HEATR3: variants seen among roughly 807,000 people sequenced by gnomAD.
The protein encoded by HEATR3 is HEAT repeat-containing protein 3.
Under a neutral mutation model 72.8 loss-of-function variants are expected in HEATR3, and 56 were observed. That is an observed-to-expected ratio of 0.77 (90% CI 0.62 to 0.96). HEATR3 has a LOEUF of 0.96. Among genes scored for constraint, HEATR3 ranks in the 40% least tolerant of loss-of-function variants. The pLI is 0.00. For synonymous variants in HEATR3, 331 were observed against 318.1 expected, an observed-to-expected ratio of 1.04 and a Z score of -0.43; for missense variants, 747 against 831.4, an observed-to-expected ratio of 0.90 and a Z score of 1.25.
chr16:50,089,002 G>C (rs529828967), intron 11 of HEATR3, among the ~76,000 whole-genome samples: 14 of 152,298 alleles, frequency 9.2e-5, no homozygotes, highest in Non-Finnish European at 1.6e-4. Context: ...CTGTGTGCCT[G>C]TGCTATAGTG....
chr16:50,075,577 G>A lies in HEATR3; in HGVS notation c.629G>A (p.Cys210Tyr). 1 of 1,612,278 alleles carries A rather than the reference G, an allele frequency of 6.2e-7. No homozygotes were observed. The change falls in exon 6 of 15, where the codon TGT (cysteine) becomes TAT (tyrosine). Residue 210 changes from cysteine (C) to tyrosine (Y), a missense_variant. Physicochemically the swap from Cys to Tyr is radical, Grantham distance 194. Around this residue, in one of 2 missense-constraint regions of HEATR3, gnomAD observed 586 missense variants for 708.8 expected, o/e 0.83. Transcript: ENST00000299192. ...NVDLAISVAY[C>Y]LQTVTEDNPE... ...CTTATTTTTTGCCTCGTAGCATATT[G>A]TTTGCAGACAGTGACTGAGGATAAC...
rs762663337 is a variant in HEATR3, at chr16:50,066,166, C to T, written c.35C>T (p.Pro12Leu). ...AGCCGGACGAAGCGCTTCAAGCGAC[C>T]TCAGTTCTCCCCTACGGGCGACTGT... Reference protein sequence around the residue: ...GKSRTKRFKRPQFSPTGDCQA... With the variant: ...GKSRTKRFKRLQFSPTGDCQA... Residue 12 changes from proline to leucine, a missense_variant, in exon 1 of 15, where the codon CCT (proline) becomes CTT (leucine). By Grantham distance (98) the Pro-to-Leu change is moderately conservative (BLOSUM62 -3). This residue lies in a region of HEATR3 where 161 missense variants were observed against 122.6 expected (regional missense o/e 1.31). Transcript: ENST00000299192. 1.4e-5 allele frequency: 23 copies of T among 1,597,100 alleles called. No homozygotes were observed. The highest frequency in any genetic ancestry group is 2.7e-5 in the African/African-American group (2 of 74,304).
intron 12 of HEATR3, 120 bp downstream of exon 12, chr16:50,094,913 T>C (rs968356027): frequency 1.1e-5 from 6 of 539,178 alleles, no homozygotes; most frequent in Admixed American, 6.4e-5. Flanking sequence ...TATGTGATCT[T>C]TGTAAAAAAT....
At position 50,070,174 on chromosome 16, in the gene HEATR3, A is replaced by T; in HGVS notation, c.400-4A>T. The T allele has an allele frequency of 6.8e-7, 1 of 1,478,382 alleles. No homozygotes were observed. Among genetic ancestry groups the T allele is most frequent in the African/African-American group, 1.4e-5 (1 of 72,058 alleles). 91.6% of individuals were successfully genotyped at this position (1,478,382 alleles called of 1,614,324 possible). A position where few individuals can be genotyped will look rare whatever the true frequency, so the allele number is the denominator to read the frequency against. ...AGGGTGCTAATCATGATATTTGGTT[A>T]CAGTGTAGTGCTGGACTGGATTCAA... On this transcript the variant is annotated splice_region_variant and splice_polypyrimidine_tract_variant and intron_variant, in intron 3 of 14. Coordinates refer to ENST00000299192, the MANE Select transcript of HEATR3 (RefSeq NM_182922.4).
intron 7 of HEATR3, among the ~76,000 whole-genome samples, chr16:50,079,444 A>T (rs2036817131): frequency 6.6e-6 from 1 of 152,192 alleles, no homozygotes; most frequent in Admixed American, 6.5e-5. Context: ...GTGGCAAACC[A>T]AACCTTCATT....
intron 11 of HEATR3, among the ~76,000 whole-genome samples, chr16:50,092,251 T>C (rs1462171733): frequency 1.3e-5 from 2 of 151,778 alleles, no homozygotes; most frequent in East Asian, 3.9e-4. Flanking sequence ...CAGGAGCTGA[T>C]TGCTTGAGCC....
intron 11 of HEATR3, among the ~76,000 whole-genome samples, chr16:50,093,705 G>A (rs373565993): frequency 1.3e-5 from 2 of 152,192 alleles, no homozygotes; most frequent in Non-Finnish European, 2.9e-5. Context: ...GTTCACTCAC[G>A]TGTCTGGCAG....
intron 10 of HEATR3, 105 bp downstream of exon 10, chr16:50,084,756 G>T: frequency 1.3e-6 from 1 of 774,266 alleles, no homozygotes; most frequent in Non-Finnish European, 2.1e-6. Context: ...CAGAAGTTTT[G>T]TTCCTGGGTA....
intron 7 of HEATR3, among the ~76,000 whole-genome samples, chr16:50,083,402 A>T (rs1376342567): frequency 6.6e-6 from 1 of 152,220 alleles, no homozygotes; most frequent in Non-Finnish European, 1.5e-5. Context: ...ATGCTTTATT[A>T]TAGTCTTTAC....
chr16:50,100,169 A>C, intron 12 of HEATR3, 61 bp from the exon 13 acceptor site: 1 of 1,529,996 alleles, frequency 6.5e-7, no homozygotes, highest in South Asian at 1.2e-5. Context: ...TCCGGTTTTC[A>C]CATGCTGATA....
At chr16:50,082,158 A>G (rs1364679456) in intron 7 of HEATR3, among the ~76,000 whole-genome samples, 1 of 152,266 alleles carries the variant, frequency 6.6e-6, no homozygotes, top group Admixed American at 6.5e-5. Context: ...CCTGGCCAAT[A>G]TGGTGAAACC....
chr16:50,081,486 T>G (rs558569122), intron 7 of HEATR3, among the ~76,000 whole-genome samples: 4 of 151,776 alleles, frequency 2.6e-5, no homozygotes, highest in Non-Finnish European at 5.9e-5. Context: ...AAGTCTTCCT[T>G]AAGATTGTAG....
At chr16:50,080,571 C>T (rs774251832) in intron 7 of HEATR3, among the ~76,000 whole-genome samples, 105 of 152,206 alleles carry the variant, frequency 6.9e-4, no homozygotes, top group Middle Eastern at 6.8e-3. Context: ...AACTCCCGAC[C>T]TCAGGTGTCT....
chr16:50,087,714 G>A (rs963429893), intron 11 of HEATR3, among the ~76,000 whole-genome samples: 4 of 152,280 alleles, frequency 2.6e-5, no homozygotes, highest in South Asian at 4.2e-4. Context: ...GAGGGTAAAC[G>A]TGAAGATATT....
At chr16:50,086,501 G>C in intron 11 of HEATR3, 150 bp downstream of exon 11, 1 of 870,668 alleles carries the variant, frequency 1.1e-6, no homozygotes, top group Non-Finnish European at 1.7e-6. Flanking sequence ...TTGCCATGGG[G>C]TACAGAGTCA....
chr16:50,066,462 A>C lies in HEATR3; in HGVS notation c.234A>C (p.Arg78=). The change falls in exon 2 of 15, where the codon CGA becomes CGC. Residue 78 remains arginine, a synonymous_variant. Coordinates refer to ENST00000299192, the MANE Select transcript of HEATR3 (RefSeq NM_182922.4). The part of the protein sequence containing the change: ...QRPALPGLAR[R]DAVRRLGPLL... ...CGGCACTCCCGGGCCTGGCGCGACG[A>C]GACGCCGTGCGCCGCCTCGGGCCGC... 1 of 1,365,056 alleles carries C rather than the reference A, an allele frequency of 7.3e-7. No individual in the cohort carries two copies. The highest frequency in any genetic ancestry group is 9.4e-7 in the Non-Finnish European group (1 of 1,066,636). 84.6% of individuals were successfully genotyped at this position (1,365,056 alleles called of 1,614,324 possible). A position where few individuals can be genotyped will look rare whatever the true frequency, so the allele number is the denominator to read the frequency against.
At chr16:50,089,742 C>T (rs1021769562) in intron 11 of HEATR3, among the ~76,000 whole-genome samples, 1 of 151,962 alleles carries the variant, frequency 6.6e-6, no homozygotes, top group Non-Finnish European at 1.5e-5. Flanking sequence ...GATCTTGGCT[C>T]ACTGCAATTT....
rs1469224636 is a variant in HEATR3 at position 50,073,021 on chromosome 16, AAGAAAC to A, written c.622+310_622+315del. On this transcript the variant is annotated intron_variant, in intron 5 of 14. Transcript: ENST00000299192. ...CTTGAAGTTTTCATCTCCATTTACT[AAGAAAC>A]AGTAACGCACAACTACCAGGCCTTT... 2.5e-5 allele frequency: 7 copies of A among 279,900 alleles called. No homozygotes were observed. The East Asian group carries it at 7.2e-4, about 29-fold the overall frequency. The allele number at this position is 279,900 out of a possible 1,614,324, so 17.3% of individuals were successfully genotyped here. A position where few individuals can be genotyped will look rare whatever the true frequency, so the allele number is the denominator to read the frequency against.
rs757362879 is a variant in HEATR3 at position 50,066,109 on chromosome 16, C to T, written c.-23C>T. On this transcript the variant is annotated 5_prime_UTR_variant, in exon 1 of 15. Transcript: ENST00000299192. ...GCTGTTGCCCTCCTCTCTCGGTGGT[C>T]TGTCCGCCCAGCGCACGTCACCATG... is the stretch of plus-strand genomic sequence containing the variant. 1 of 1,551,304 alleles carries T rather than the reference C, an allele frequency of 6.4e-7. No individual in the cohort carries two copies. Among genetic ancestry groups the T allele is most frequent in the East Asian group, 2.4e-5 (1 of 42,510 alleles).
Sources: gnomAD v4.1 joint callset for allele counts (sites outside exome capture counted in the v4.1 genomes callset) on GRCh38, gnomAD v4.1.1 for gene constraint, gnomAD v4.1.1 regional missense constraint, MANE v1.5 for transcripts, NCBI Gene and HGNC (gene_info 2026-07-23, HGNC 2026-07-21) for gene names.